KAZN: variants seen among roughly 807,000 people sequenced by gnomAD.
KAZN encodes the protein kazrin, periplakin interacting protein.
Under a neutral mutation model 87.4 loss-of-function variants are expected in KAZN, and 40 were observed. The ratio of observed to expected loss-of-function variants is 0.46; its 90% CI spans 0.36 to 0.60. KAZN has a LOEUF of 0.60. Ranked by LOEUF, KAZN falls within the 20% of genes least tolerant of loss-of-function variation. The pLI, the probability that KAZN is intolerant of heterozygous loss-of-function variation, is 0.00. For missense variants in KAZN, 898 were observed against 1,073.9 expected (o/e 0.84, Z 2.29); for synonymous variants, 466 against 458.3 (o/e 1.02, Z -0.22).
intron 2 of KAZN, among the ~76,000 whole-genome samples, chr1:14,278,822 G>C (rs1652605539): frequency 6.6e-6 from 1 of 151,256 alleles, no homozygotes; most frequent in Admixed American, 6.6e-5. Flanking sequence ...CCACATTCTG[G>C]ATATTTTTTT....
intron 2 of KAZN, among the ~76,000 whole-genome samples, chr1:14,485,185 C>T (rs1039779776): frequency 2.0e-5 from 3 of 152,206 alleles, no homozygotes; most frequent in African/African-American, 7.2e-5. Context: ...GAATCACCCA[C>T]AAGACAAGCA....
intron 1 of KAZN, among the ~76,000 whole-genome samples, chr1:14,721,380 T>C (rs1017257978): frequency 6.6e-6 from 1 of 152,228 alleles, no homozygotes; most frequent in Non-Finnish European, 1.5e-5. Context: ...TCTGCCATCA[T>C]TATAAGTTTC....
chr1:14,642,758 G>C (rs371649517), intron 1 of KAZN, among the ~76,000 whole-genome samples: 52 of 152,232 alleles, frequency 3.4e-4, no homozygotes, highest in African/African-American at 1.2e-3. Context: ...ATTCTGATCT[G>C]ATACATTATA....
intron 1 of KAZN, among the ~76,000 whole-genome samples, chr1:14,904,380 A>G (rs555304469): frequency 6.6e-6 from 1 of 151,952 alleles, no homozygotes; most frequent in South Asian, 2.1e-4. Context: ...ACCAACGCCT[A>G]TAAAAATCTG....
At chr1:14,477,580 C>T (rs998616213) in intron 2 of KAZN, among the ~76,000 whole-genome samples, 2 of 152,106 alleles carry the variant, frequency 1.3e-5, no homozygotes, top group Non-Finnish European at 2.9e-5. Flanking sequence ...CTGATTCCCT[C>T]GGGGCTGCCA....
chr1:14,419,750 GGC>G (rs1172123075), intron 2 of KAZN, among the ~76,000 whole-genome samples: 8 of 151,984 alleles, frequency 5.3e-5, no homozygotes, highest in Non-Finnish European at 8.8e-5. Flanking sequence ...GGACTCTTAA[GGC>G]GGTGCGTCTG....
intron 2 of KAZN, among the ~76,000 whole-genome samples, chr1:14,206,073 G>A (rs888647862): frequency 1.2e-4 from 18 of 151,756 alleles, no homozygotes; most frequent in Non-Finnish European, 2.4e-4. Flanking sequence ...TTACTGCATG[G>A]GCAATGTATA....
At position 14,872,743 on chromosome 1, in the gene KAZN, G is replaced by T. The variant is rs183387408; in HGVS notation, c.227-87941G>T. Among the ~76,000 whole-genome samples the T allele has an allele frequency of 6.6e-5, 10 of 152,316 alleles. No individual in the cohort carries two copies. The East Asian group carries it at 1.9e-3, about 29-fold the overall frequency. On this transcript the variant is annotated intron_variant, in intron 1 of 14. Transcript: ENST00000376030. ...CCAGTAAGAAATTATTGCATGGATG[G>T]ATGGTTCGATGGATGGATGGACAAG...
chr1:14,946,654 C>T (rs562999676), intron 1 of KAZN, among the ~76,000 whole-genome samples: 13 of 152,264 alleles, frequency 8.5e-5, no homozygotes, highest in Middle Eastern at 3.4e-3. Flanking sequence ...GTGATGGCGA[C>T]GTCTAGGAGA....
intron 2 of KAZN, among the ~76,000 whole-genome samples, chr1:14,443,318 A>G (rs562154215): frequency 1.1e-3 from 174 of 152,372 alleles, no homozygotes; most frequent in Non-Finnish European, 1.5e-3. Flanking sequence ...CAGAGGGGCC[A>G]CTGGATCTTC....
rs1571834832 is a variant in KAZN, at chr1:14,513,556, G to A, written c.250-85427G>A. ...TCCGTCTTTCTAAGGTACAGCAGAGGGCCAAAGAGAATCAGATTCATGAAA... is the reference window on the plus strand; with the variant it reads ...TCCGTCTTTCTAAGGTACAGCAGAGAGCCAAAGAGAATCAGATTCATGAAA... On this transcript the variant is annotated intron_variant, in intron 2 of 16. Coordinates refer to the KAZN transcript ENST00000636203. 2.6e-5 allele frequency among the ~76,000 whole-genome samples: 4 copies of A among 152,170 alleles called. No individual in the cohort carries two copies. The East Asian group carries it at 7.7e-4, about 29-fold the overall frequency.
intron 1 of KAZN, among the ~76,000 whole-genome samples, chr1:14,138,235 G>A (rs958947918): frequency 2.6e-5 from 4 of 152,058 alleles, no homozygotes; most frequent in Admixed American, 2.6e-4. Flanking sequence ...GAGCCTCAGG[G>A]CTGGTTGACT....
intron 2 of KAZN, among the ~76,000 whole-genome samples, chr1:14,970,999 T>C (rs568083226): frequency 6.6e-6 from 1 of 152,330 alleles, no homozygotes; most frequent in East Asian, 1.9e-4. Flanking sequence ...GGCACTCTCT[T>C]CATTCCTTTG....
chr1:14,369,985 G>A (rs1197488714), intron 2 of KAZN, among the ~76,000 whole-genome samples: 1 of 152,202 alleles, frequency 6.6e-6, no homozygotes, highest in Non-Finnish European at 1.5e-5. Context: ...CTTGTACTGT[G>A]GGTGCATTCC....
chr1:14,882,080 C>T (rs914396159), intron 1 of KAZN, among the ~76,000 whole-genome samples: 2 of 152,168 alleles, frequency 1.3e-5, no homozygotes, highest in Non-Finnish European at 2.9e-5. Flanking sequence ...GCCTTGCTAG[C>T]GAGTCCCAGG....
rs1229740382 is a variant in KAZN at position 14,942,992 on chromosome 1, CGTGTGTGTGTGTGTGGTGTGTGTGTGTGT to C, written c.227-17676_227-17648del. Among the ~76,000 whole-genome samples the C allele has an allele frequency of 4.2e-5, 5 of 117,648 alleles. No individual in the cohort carries two copies. In the Admixed American group the frequency reaches 4.4e-4, roughly 10 times the overall value. 77.2% of individuals were successfully genotyped at this position (117,648 alleles called of 152,430 possible). A position where few individuals can be genotyped will look rare whatever the true frequency, so the allele number is the denominator to read the frequency against. ...GTTATGTTGAACTGGATGTGAGCTGCGTGTGTGTGTGTGTGGTGTGTGTGTGTGTGTGTGTGTGTGTGTGTGTGTGTGTG... is the reference window on the plus strand; with the variant it reads ...GTTATGTTGAACTGGATGTGAGCTGCGTGTGTGTGTGTGTGTGTGTGTGTG... On this transcript the variant is annotated intron_variant, in intron 1 of 14. Transcript: ENST00000376030.
chr1:14,926,455 G>T (rs570758476), intron 1 of KAZN, among the ~76,000 whole-genome samples: 1 of 152,284 alleles, frequency 6.6e-6, no homozygotes, highest in Admixed American at 6.5e-5. Context: ...TTAAAAGACA[G>T]CACATTGGAA....
chr1:14,016,199 A>T (rs1217734694), intron 1 of KAZN, among the ~76,000 whole-genome samples: 1 of 152,106 alleles, frequency 6.6e-6, no homozygotes, highest in Non-Finnish European at 1.5e-5. Context: ...CCTGGTGTTA[A>T]ATAAAAAGGA....
chr1:14,228,122 T>TCTACACACTCTA (rs545754768), intron 2 of KAZN, among the ~76,000 whole-genome samples: 115 of 152,292 alleles, frequency 7.6e-4, no homozygotes, highest in African/African-American at 2.6e-3. Flanking sequence ...ACTTTTCAGC[T>TCTACACACTCTA]CACCTCTTCC....
Sources: gnomAD v4.1 joint callset for allele counts (sites outside exome capture counted in the v4.1 genomes callset) on GRCh38, gnomAD v4.1.1 for gene constraint, MANE v1.5 for transcripts, NCBI Gene and HGNC (gene_info 2026-07-23, HGNC 2026-07-21) for gene names.